The following PAPPA2 variants were observed in gnomAD, a reference collection of about 807,000 sequenced individuals.
The protein encoded by PAPPA2 is pappalysin-2.
PAPPA2 carries 86 observed loss-of-function variants against 176.4 expected under a neutral mutation model. The ratio of observed to expected loss-of-function variants is 0.49; its 90% CI spans 0.41 to 0.58. PAPPA2 has a LOEUF of 0.58. Among genes scored for constraint, PAPPA2 ranks in the 20% least tolerant of loss-of-function variants. The probability of loss-of-function intolerance (pLI) is 0.00; values close to 1 mark genes in which losing one functional copy is unlikely to be tolerated. For synonymous variants in PAPPA2, 809 were observed against 852.2 expected (o/e 0.95, Z 0.88); for missense variants, 2,073 against 2,256.9 (o/e 0.92, Z 1.65).
At chr1:176,756,647 T>G (rs1359512465) in intron 14 of PAPPA2, among the ~76,000 whole-genome samples, 1 of 152,178 alleles carries the variant, frequency 6.6e-6, no homozygotes, top group Non-Finnish European at 1.5e-5. Context: ...AGAGCACTTT[T>G]GGCTGTGTAA....
At chr1:176,837,478 C>CAAAA (rs35134966) in intron 21 of PAPPA2, among the ~76,000 whole-genome samples, 2 of 94,760 alleles carry the variant, frequency 2.1e-5, no homozygotes, top group Admixed American at 1.2e-4. Context: ...TGTTAAAAGG[C>CAAAA]AAAAAAAAAA....
At chr1:176,693,479 C>T (rs1660217180) in intron 6 of PAPPA2, among the ~76,000 whole-genome samples, 2 of 152,212 alleles carry the variant, frequency 1.3e-5, no homozygotes, top group South Asian at 4.1e-4. Flanking sequence ...ACCACACTTT[C>T]CCTCTGGGTG....
chr1:176,754,822 G>A (rs1378214793), intron 14 of PAPPA2, among the ~76,000 whole-genome samples: 1 of 152,208 alleles, frequency 6.6e-6, no homozygotes, highest in Non-Finnish European at 1.5e-5. Flanking sequence ...GGAGGCAGAT[G>A]CTGTAGACAG....
intron 1 of PAPPA2, among the ~76,000 whole-genome samples, chr1:176,552,361 C>CATAACACA (rs1651013893): frequency 6.7e-6 from 1 of 149,748 alleles, no homozygotes; most frequent in African/African-American, 2.5e-5. Context: ...TTCCCCTTTC[C>CATAACACA]CTCTTTCCCC....
In PAPPA2 at chr1:176,556,716, G is replaced by A. The variant is rs1558434909; in HGVS notation, c.394G>A (p.Asp132Asn). The A allele has an allele frequency of 1.2e-6, 2 of 1,614,096 alleles. No homozygotes were observed. The highest frequency in any genetic ancestry group is 1.7e-6 in the Non-Finnish European group (2 of 1,179,946). The change falls in exon 2 of 23, where the codon GAT becomes AAT. Residue 132 changes from aspartate to asparagine, a missense_variant. By Grantham distance (23) the Asp-to-Asn change is conservative. This residue lies in a region of PAPPA2 where 1,196 missense variants were observed against 1,330.4 expected (regional missense o/e 0.90). Transcript: ENST00000367662. The stretch of plus-strand genomic sequence containing the variant: ...AGAGCCGGCTGCCCCATGGGTAGGG[G>A]ATAGTCCTATTGGGCAATCTGAGCT... ...VEEPAAPWVG[D>N]SPIGQSELLG...
intron 3 of PAPPA2, among the ~76,000 whole-genome samples, chr1:176,670,568 C>T (rs1658935671): frequency 6.6e-6 from 1 of 152,122 alleles, no homozygotes; most frequent in Admixed American, 6.5e-5. Flanking sequence ...ATTCAAGGAT[C>T]ATGCAGTGTG....
chr1:176,584,814 A>C (rs1653211246), intron 2 of PAPPA2, among the ~76,000 whole-genome samples: 1 of 152,078 alleles, frequency 6.6e-6, no homozygotes, highest in Non-Finnish European at 1.5e-5. Context: ...GGCGCAGTGC[A>C]ACCTCCGCCT....
At chr1:176,607,737 G>A (rs966739803) in intron 3 of PAPPA2, among the ~76,000 whole-genome samples, 2 of 151,918 alleles carry the variant, frequency 1.3e-5, no homozygotes, top group African/African-American at 4.9e-5. Flanking sequence ...TTGAATAGCT[G>A]TTTTTTATTT....
intron 3 of PAPPA2, among the ~76,000 whole-genome samples, chr1:176,623,004 C>T (rs1655680657): frequency 6.6e-6 from 1 of 152,110 alleles, no homozygotes; most frequent in African/African-American, 2.4e-5. Flanking sequence ...TATAAGGGCA[C>T]TAATCTCATT....
intron 20 of PAPPA2, among the ~76,000 whole-genome samples, chr1:176,797,431 G>T (rs1259725948): frequency 6.6e-6 from 1 of 152,090 alleles, no homozygotes; most frequent in African/African-American, 2.4e-5. Context: ...ATTGCTTGAG[G>T]CCAAGAATTT....
At chr1:176,823,698 T>C (rs1666751570) in intron 21 of PAPPA2, among the ~76,000 whole-genome samples, 1 of 152,210 alleles carries the variant, frequency 6.6e-6, no homozygotes, top group Non-Finnish European at 1.5e-5. Flanking sequence ...CCGGTAACTC[T>C]TGATTCCCTT....
intron 3 of PAPPA2, among the ~76,000 whole-genome samples, chr1:176,619,000 A>G (rs1195109362): frequency 1.3e-5 from 2 of 152,198 alleles, no homozygotes; most frequent in Non-Finnish European, 2.9e-5. Flanking sequence ...ATAGCCATAT[A>G]GTTTTTCATC....
rs12566617 is a variant in PAPPA2 at position 176,617,297 on chromosome 1, C to T, written c.1991+21702C>T. On this transcript the variant is annotated intron_variant, in intron 3 of 22. Coordinates refer to ENST00000367662, the MANE Select transcript of PAPPA2 (RefSeq NM_020318.3). ...ACAGCTGGTCCTGAGGCAGCAGTGACATAGGGGGTGGCAGGCGCTACAGGG... is the reference window on the plus strand; with the variant it reads ...ACAGCTGGTCCTGAGGCAGCAGTGATATAGGGGGTGGCAGGCGCTACAGGG... Among the ~76,000 whole-genome samples the T allele has an allele frequency of 1.0e-3, 154 of 152,222 alleles. 2 individuals carry two copies. In the East Asian group the frequency reaches 0.027, roughly 27 times the overall value.
intron 14 of PAPPA2, among the ~76,000 whole-genome samples, chr1:176,758,227 A>G (rs1045500531): frequency 2.6e-5 from 4 of 152,212 alleles, no homozygotes; most frequent in Non-Finnish European, 4.4e-5. Context: ...CCCAGTTAGT[A>G]GGGTTCTCAA....
At chr1:176,589,720 A>G (rs1653537744) in intron 2 of PAPPA2, among the ~76,000 whole-genome samples, 1 of 152,216 alleles carries the variant, frequency 6.6e-6, no homozygotes. Context: ...TGATGAATAA[A>G]CAACAGTTAT....
intron 1 of PAPPA2, among the ~76,000 whole-genome samples, chr1:176,476,736 T>G (rs1368789656): frequency 6.6e-6 from 1 of 152,254 alleles, no homozygotes; most frequent in Non-Finnish European, 1.5e-5. Flanking sequence ...CAGCATCATT[T>G]ACAAAGATTT....
At chr1:176,709,844 G>A in intron 10 of PAPPA2, 139 bp from the exon 11 acceptor site, 1 of 663,112 alleles carries the variant, frequency 1.5e-6, no homozygotes, top group Non-Finnish European at 2.6e-6. Flanking sequence ...GTGTGTTTGA[G>A]GTAGGCATTA....
At chr1:176,831,610 A>T (rs1186625071) in intron 21 of PAPPA2, among the ~76,000 whole-genome samples, 1 of 152,032 alleles carries the variant, frequency 6.6e-6, no homozygotes, top group East Asian at 1.9e-4. Flanking sequence ...CAGAGGAGAG[A>T]CTGCATGGGG....
At chr1:176,560,660 C>T (rs1651611798) in intron 2 of PAPPA2, among the ~76,000 whole-genome samples, 1 of 152,232 alleles carries the variant, frequency 6.6e-6, no homozygotes, top group Admixed American at 6.5e-5. Context: ...GGACGTAAGC[C>T]AAATTCTGTC....
Sources: allele counts gnomAD v4.1 joint callset (sites outside exome capture counted in the v4.1 genomes callset), GRCh38; gene constraint gnomAD v4.1.1; regional missense constraint gnomAD v4.1.1; transcripts MANE v1.5; gene names NCBI Gene and HGNC (gene_info 2026-07-23, HGNC 2026-07-21).